TENM3: variants seen among roughly 807,000 people sequenced by gnomAD.
TENM3 encodes teneurin transmembrane protein 3.
TENM3 carries 63 observed loss-of-function variants against 255.1 expected under a neutral mutation model. That is an observed-to-expected ratio of 0.25 (90% confidence interval 0.20 to 0.30). The LOEUF is 0.30. Ranked by LOEUF, TENM3 falls within the 10% of genes least tolerant of loss-of-function variation. The pLI, the probability that TENM3 is intolerant of heterozygous loss-of-function variation, is 1.00. For synonymous variants in TENM3, 1,306 were observed against 1,322.3 expected (o/e 0.99, Z 0.27); for missense variants, 2,929 against 3,461.1 (o/e 0.85, Z 3.86).
chr4:182,381,153 G>A (rs762275162), intron 3 of TENM3, among the ~76,000 whole-genome samples: 2 of 152,206 alleles, frequency 1.3e-5, no homozygotes, highest in Non-Finnish European at 2.9e-5. Flanking sequence ...GTGAGAGCAG[G>A]TGCTTTTGAT....
At chr4:182,545,517 C>T (rs1250027046) in intron 3 of TENM3, among the ~76,000 whole-genome samples, 1 of 151,938 alleles carries the variant, frequency 6.6e-6, no homozygotes, top group East Asian at 1.9e-4. Flanking sequence ...CAGAACCTCT[C>T]CTGGCCTACT....
At chr4:181,467,125 A>ATTTTTTTTTTTTTTTTTTT in the TENM3 span, among the ~76,000 whole-genome samples, 5 of 17,620 alleles carry the variant, frequency 2.8e-4, no homozygotes, top group Non-Finnish European at 4.3e-4. Flanking sequence ...ATATATATAT[A>ATTTTTTTTTTTTTTTTTTT]TTTTTTTTTT....
chr4:181,958,606 C>T, the TENM3 span, among the ~76,000 whole-genome samples: 143 of 152,174 alleles, frequency 9.4e-4, no homozygotes, highest in African/African-American at 3.4e-3. Context: ...CTGCCTGTGT[C>T]GAGTGGGTAG....
chr4:182,526,516 T>G (rs28666866), intron 3 of TENM3, among the ~76,000 whole-genome samples: 5,464 of 152,166 alleles, frequency 0.036, 215 homozygotes, highest in African/African-American at 0.095. Context: ...GGTATAGACA[T>G]GCACTCAAAG....
the TENM3 span, among the ~76,000 whole-genome samples, chr4:181,465,443 A>T: frequency 6.6e-6 from 1 of 152,206 alleles, no homozygotes; most frequent in African/African-American, 2.4e-5. Flanking sequence ...TTTACTTAGA[A>T]ATTACCTTTG....
the TENM3 span, among the ~76,000 whole-genome samples, chr4:181,657,708 G>A: frequency 2.0e-5 from 3 of 152,030 alleles, no homozygotes; most frequent in African/African-American, 4.8e-5. Flanking sequence ...ATTCACAATA[G>A]CAAAGACATG....
Position 182,346,641 on chromosome 4 carries a change from C to T in TENM3, c.233-10C>T. ...CTCACTAGTTGTTATCTTTTTTTCC[C>T]CCTAATTAGGACAGAATTTTACCCT... is the stretch of plus-strand genomic sequence containing the variant. On this transcript the variant is annotated splice_polypyrimidine_tract_variant and intron_variant, in intron 2 of 27. Transcript: ENST00000511685. The T allele has an allele frequency of 6.2e-7, 1 of 1,606,460 alleles. No individual in the cohort carries two copies. Among genetic ancestry groups the T allele is most frequent in the Non-Finnish European group, 8.5e-7 (1 of 1,176,954 alleles).
chr4:181,828,499 G>C, the TENM3 span, among the ~76,000 whole-genome samples: 2 of 152,162 alleles, frequency 1.3e-5, no homozygotes, highest in Admixed American at 6.5e-5. Context: ...TGAGATTAAG[G>C]CTCAAAGAGT....
chr4:181,958,340 T>A, the TENM3 span, among the ~76,000 whole-genome samples: 4 of 152,198 alleles, frequency 2.6e-5, no homozygotes, highest in Non-Finnish European at 5.9e-5. Context: ...TTTGTTTGTT[T>A]TTGCTTTTTT....
the TENM3 span, among the ~76,000 whole-genome samples, chr4:181,955,104 T>G: frequency 6.6e-6 from 1 of 152,208 alleles, no homozygotes; most frequent in Non-Finnish European, 1.5e-5. Flanking sequence ...AAAATCTCCT[T>G]AACCATTAAC....
At chr4:182,211,849 C>T (rs2149894830) in intron 1 of TENM3, among the ~76,000 whole-genome samples, 2 of 152,122 alleles carry the variant, frequency 1.3e-5, no homozygotes, top group South Asian at 4.2e-4. Flanking sequence ...TGTACAGATT[C>T]CTTAATCCTT....
chr4:182,239,031 TTATGTGTGTGTGTGTG>T (rs1351103441), upstream of TENM3, among the ~76,000 whole-genome samples: 1 of 110,372 alleles, frequency 9.1e-6, no homozygotes, highest in Non-Finnish European at 1.9e-5. Context: ...TTAAAAATCT[TTATGTGTGTGTGTGTG>T]TGTGTGTGTG....
At chr4:181,775,410 T>C in the TENM3 span, among the ~76,000 whole-genome samples, 41 of 152,178 alleles carry the variant, frequency 2.7e-4, no homozygotes, top group Non-Finnish European at 2.6e-4. Flanking sequence ...GAGGATTATG[T>C]ATATATATGC....
chr4:182,354,311 A>G (rs1765381343), intron 3 of TENM3, among the ~76,000 whole-genome samples: 1 of 152,250 alleles, frequency 6.6e-6, no homozygotes, highest in African/African-American at 2.4e-5. Context: ...CTGATGATGT[A>G]TGCTATTTTG....
At chr4:181,941,265 C>G in the TENM3 span, among the ~76,000 whole-genome samples, 3 of 151,992 alleles carry the variant, frequency 2.0e-5, no homozygotes, top group Non-Finnish European at 4.4e-5. Flanking sequence ...CTCAATACCA[C>G]CTCTTCCTCA....
chr4:181,767,338 A>T, the TENM3 span, among the ~76,000 whole-genome samples: 1 of 152,080 alleles, frequency 6.6e-6, no homozygotes, highest in Non-Finnish European at 1.5e-5. Context: ...AAGAAAAAAC[A>T]AAACCATCTC....
chr4:182,117,889 A>G, the TENM3 span, among the ~76,000 whole-genome samples: 4 of 152,216 alleles, frequency 2.6e-5, no homozygotes, highest in Non-Finnish European at 5.9e-5. Flanking sequence ...AAGAACTGAC[A>G]TCTTGAAAAT....
the TENM3 span, among the ~76,000 whole-genome samples, chr4:182,020,248 C>G: frequency 6.6e-6 from 1 of 151,902 alleles, no homozygotes; most frequent in African/African-American, 2.4e-5. Flanking sequence ...AGCCTGTAAT[C>G]TCAGCTACTT....
chr4:182,438,315 C>T (rs1772199663), intron 3 of TENM3, among the ~76,000 whole-genome samples: 1 of 152,066 alleles, frequency 6.6e-6, no homozygotes, highest in Admixed American at 6.6e-5. Context: ...CTGCAGTGAC[C>T]ATTATTTAAG....
Sources: gnomAD v4.1 joint callset for allele counts (sites outside exome capture counted in the v4.1 genomes callset) on GRCh38, gnomAD v4.1.1 for gene constraint, MANE v1.5 for transcripts, NCBI Gene and HGNC (gene_info 2026-07-23, HGNC 2026-07-21) for gene names.